Variants in CEP128 observed in about 807,000 individuals in gnomAD.
The protein encoded by CEP128 is centrosomal protein 128, also known as centrosomal protein 128kDa.
In CEP128, 132 loss-of-function variants were observed where a neutral mutation model predicts 156.7. The observed-to-expected ratio is 0.84, with a 90% CI of 0.73 to 0.97. The LOEUF is 0.97. Among genes scored for constraint, CEP128 ranks in the 50% least tolerant of loss-of-function variants. CEP128 has a pLI of 0.00. For synonymous variants in CEP128, 469 were observed against 448.9 expected (o/e 1.04, Z -0.57); for missense variants, 1,252 against 1,281.9 (o/e 0.98, Z 0.36).
intron 15 of CEP128, among the ~76,000 whole-genome samples, chr14:80,783,576 C>T (rs993177810): frequency 4.6e-5 from 7 of 152,212 alleles, no homozygotes; most frequent in African/African-American, 9.6e-5. Context: ...AATCAATCAA[C>T]ATGTAATATA....
intron 19 of CEP128, among the ~76,000 whole-genome samples, chr14:80,596,819 C>CACAAAAAA (rs1892340785): frequency 7.1e-5 from 1 of 14,054 alleles, no homozygotes; most frequent in African/African-American, 4.4e-4. Context: ...GACACTGTCA[C>CACAAAAAA]AAAAAAAAAA....
At chr14:80,746,506 C>A (rs1466972824) in intron 18 of CEP128, among the ~76,000 whole-genome samples, 1 of 152,142 alleles carries the variant, frequency 6.6e-6, no homozygotes, top group Non-Finnish European at 1.5e-5. Context: ...GTCTTACCAA[C>A]AAATGGTGCT....
chr14:80,628,831 C>CAT (rs33953320), intron 19 of CEP128, among the ~76,000 whole-genome samples: 6 of 147,868 alleles, frequency 4.1e-5, no homozygotes, highest in Admixed American at 1.3e-4. Flanking sequence ...CTATAGCTCA[C>CAT]ATATATATAT....
At chr14:80,489,267 TAAAAA>T (rs35135843), downstream of CEP128, among the ~76,000 whole-genome samples, 2 of 108,030 alleles carry the variant, frequency 1.9e-5, no homozygotes, top group African/African-American at 3.5e-5. Flanking sequence ...TTGTAAAAGC[TAAAAA>T]AAAAAAAAAA....
chr14:80,909,963 A>G (rs1475933877), intron 4 of CEP128, among the ~76,000 whole-genome samples: 2 of 152,208 alleles, frequency 1.3e-5, no homozygotes, highest in Non-Finnish European at 2.9e-5. Flanking sequence ...GGATGATGTT[A>G]TTTTCCTAAA....
intron 14 of CEP128, among the ~76,000 whole-genome samples, chr14:80,481,199 C>T (rs117661188): frequency 0.018 from 2,706 of 152,300 alleles, 50 homozygotes; most frequent in Middle Eastern, 0.082. Flanking sequence ...ACTGGACTTA[C>T]AGTTCTGCAC....
intron 8 of CEP128, among the ~76,000 whole-genome samples, chr14:80,866,350 C>T (rs1325692761): frequency 6.6e-6 from 1 of 152,138 alleles, no homozygotes; most frequent in African/African-American, 2.4e-5. Flanking sequence ...AATCAACTTG[C>T]CCCACACCAG....
chr14:80,787,440 G>A (rs939892271), intron 14 of CEP128, among the ~76,000 whole-genome samples: 8 of 151,664 alleles, frequency 5.3e-5, no homozygotes, highest in East Asian at 1.9e-4. Flanking sequence ...TCTCTCTGAC[G>A]TCCCCTTCTC....
chr14:80,574,643 C>A (rs928568491), intron 20 of CEP128, among the ~76,000 whole-genome samples: 1 of 152,082 alleles, frequency 6.6e-6, no homozygotes, highest in Admixed American at 6.5e-5. Flanking sequence ...TATTATAACA[C>A]CCTAATATTA....
chr14:80,551,525 T>C (rs1302918121), intron 21 of CEP128, among the ~76,000 whole-genome samples: 1 of 152,186 alleles, frequency 6.6e-6, no homozygotes, highest in African/African-American at 2.4e-5. Flanking sequence ...CTCAATTCAG[T>C]GGAATGGTGT....
chr14:80,737,249 C>G (rs941595716), intron 19 of CEP128, among the ~76,000 whole-genome samples: 2 of 151,802 alleles, frequency 1.3e-5, no homozygotes, highest in African/African-American at 4.8e-5. Context: ...TCTAATAATA[C>G]AAAAATTAGC....
At chr14:80,564,871 TA>T (rs1270427726) in intron 20 of CEP128, among the ~76,000 whole-genome samples, 1 of 152,062 alleles carries the variant, frequency 6.6e-6, no homozygotes, top group Non-Finnish European at 1.5e-5. Flanking sequence ...CGAGCCTGGC[TA>T]ACATGGCGAA....
At chr14:80,501,330 T>G (rs944483483) in intron 24 of CEP128, among the ~76,000 whole-genome samples, 2 of 152,252 alleles carry the variant, frequency 1.3e-5, no homozygotes, top group African/African-American at 4.8e-5. Context: ...AGTGACAGTC[T>G]TTATCTACGA....
chr14:80,797,734 A>T (rs926058164), intron 13 of CEP128, among the ~76,000 whole-genome samples: 3 of 152,200 alleles, frequency 2.0e-5, no homozygotes, highest in Admixed American at 2.0e-4. Context: ...CATACATATG[A>T]ACATATACAT....
At chr14:80,485,804 T>A (rs139467576), downstream of CEP128, among the ~76,000 whole-genome samples, 311 of 152,368 alleles carry the variant, frequency 2.0e-3, no homozygotes, top group African/African-American at 6.9e-3. Flanking sequence ...AAGTATGTAA[T>A]TGTTGGCGTA....
intron 16 of CEP128, among the ~76,000 whole-genome samples, chr14:80,775,479 G>C (rs1400156875): frequency 6.6e-6 from 1 of 152,196 alleles, no homozygotes; most frequent in Non-Finnish European, 1.5e-5. Flanking sequence ...AAGCATGTTT[G>C]CGTGTGTATC....
chr14:80,491,555 A>G (rs1420049537), downstream of CEP128, among the ~76,000 whole-genome samples: 1 of 152,212 alleles, frequency 6.6e-6, no homozygotes, highest in Non-Finnish European at 1.5e-5. Flanking sequence ...GGAAGTTTCA[A>G]ATATGCTAAG....
intron 12 of CEP128, among the ~76,000 whole-genome samples, chr14:80,833,084 C>T (rs370473): frequency 0.038 from 5,832 of 152,134 alleles, 387 homozygotes; most frequent in African/African-American, 0.13. Context: ...CCTACTTTCC[C>T]TACTTCTGAT....
In CEP128 at chr14:80,761,600, C is replaced by T; in HGVS notation, c.2390G>A (p.Ser797Asn). The T allele has an allele frequency of 2.5e-6, 4 of 1,592,758 alleles. No individual in the cohort carries two copies. The highest frequency in any genetic ancestry group is 1.3e-5 in the African/African-American group (1 of 74,418). Reference protein sequence around the residue: ...DQLEEREKHISIEEEHLRRME... With the variant: ...DQLEEREKHINIEEEHLRRME... ...CCTCCTTAAGTGCTCCTCTTCAATG[C>T]TTATATGTTTTTCCTAAGGCATTGA... Residue 797 changes from serine to asparagine, a missense_variant, in exon 17 of 25, where the codon AGC becomes AAC. By Grantham distance (46) the Ser-to-Asn change is conservative. Transcript: ENST00000555265.
Sources: gnomAD v4.1 joint callset for allele counts (sites outside exome capture counted in the v4.1 genomes callset) on GRCh38, gnomAD v4.1.1 for gene constraint, MANE v1.5 for transcripts, NCBI Gene and HGNC (gene_info 2026-07-23, HGNC 2026-07-21) for gene names.